Variants in PLXDC1 observed in about 807,000 individuals in gnomAD.
PLXDC1 encodes the protein plexin domain containing 1, also known as plexin domain-containing protein 1.
Under a neutral mutation model 61.3 loss-of-function variants are expected in PLXDC1, and 39 were observed. That is an observed-to-expected ratio of 0.64 (90% confidence interval 0.49 to 0.83). PLXDC1 has a LOEUF of 0.83. Among genes scored for constraint, PLXDC1 ranks in the 40% least tolerant of loss-of-function variants. PLXDC1 has a pLI of 0.00. For synonymous variants in PLXDC1, 212 were observed against 254.5 expected, an observed-to-expected ratio of 0.83 and a Z score of 1.59; for missense variants, 596 against 666.5, an observed-to-expected ratio of 0.89 and a Z score of 1.17.
At chr17:39,079,730 G>C (rs1465207171) in intron 9 of PLXDC1, 1 of 357,912 alleles carries the variant, frequency 2.8e-6, no homozygotes, top group African/African-American at 2.1e-5. Flanking sequence ...GAAAGGATGG[G>C]GGCATGACGA....
At position 39,145,081 on chromosome 17, in the gene PLXDC1, C is replaced by CCAGCAGAGAGCAG. The variant is rs1912053255; in HGVS notation, c.77-5250_77-5249insCTGCTCTCTGCTG. On this transcript the variant is annotated intron_variant, in intron 1 of 13. Coordinates refer to ENST00000315392, the MANE Select transcript of PLXDC1 (RefSeq NM_020405.5). Reference sequence around the variant, plus strand: ...GGATCTGAACTCAGGCAGGCTGGCTCCAGAGCCTACTCAGAACCACAGAAA... The same window carrying CCAGCAGAGAGCAG: ...GGATCTGAACTCAGGCAGGCTGGCTCCAGCAGAGAGCAGCAGAGCCTACTCAGAACCACAGAAA... Among the ~76,000 whole-genome samples, 3 of 152,256 alleles carry CCAGCAGAGAGCAG rather than the reference C, an allele frequency of 2.0e-5. No individual in the cohort carries two copies. The South Asian group carries it at 6.2e-4, about 32-fold the overall frequency.
At chr17:39,085,220 G>A (rs928557306) in intron 8 of PLXDC1, among the ~76,000 whole-genome samples, 1 of 152,262 alleles carries the variant, frequency 6.6e-6, no homozygotes, top group African/African-American at 2.4e-5. Flanking sequence ...CATGGGCACA[G>A]TGTGGCCACC....
rs556126101 is a variant in PLXDC1 at position 39,092,334 on chromosome 17, A to G, written c.812-4632T>C. ...AGCAATCTGCCTGCCTCAGCCTCCC[A>G]AAGCGCTGAGGTTCTAGACATGAGC... On this transcript the variant is annotated intron_variant, in intron 7 of 13. Coordinates refer to ENST00000315392, the MANE Select transcript of PLXDC1 (RefSeq NM_020405.5). 3.3e-5 allele frequency among the ~76,000 whole-genome samples: 5 copies of G among 152,268 alleles called. No homozygotes were observed. The South Asian group carries it at 8.3e-4, about 25-fold the overall frequency.
chr17:39,075,722 C>T (rs1359870223), intron 11 of PLXDC1, among the ~76,000 whole-genome samples: 2 of 152,146 alleles, frequency 1.3e-5, no homozygotes, highest in East Asian at 3.8e-4. Flanking sequence ...TCCACAACCT[C>T]CCCCCAGCCA....
intron 7 of PLXDC1, among the ~76,000 whole-genome samples, chr17:39,093,926 A>G (rs1598193330): frequency 6.6e-6 from 1 of 152,332 alleles, no homozygotes; most frequent in East Asian, 1.9e-4. Context: ...AGGGGTTCAC[A>G]GAGCCCCGCA....
rs1181183109 is a variant in PLXDC1 at position 39,094,761 on chromosome 17, A to T, written c.812-7059T>A. ...TCAGCAACTTATAACGTCAGCCCAC[A>T]GCCCAAAGGAAGCACGCCCTCCCTC... On this transcript the variant is annotated intron_variant, in intron 7 of 13. Transcript: ENST00000315392. 2.6e-5 allele frequency among the ~76,000 whole-genome samples: 4 copies of T among 152,202 alleles called. No individual in the cohort carries two copies. The East Asian group carries it at 7.7e-4, about 29-fold the overall frequency.
At chr17:39,135,236 G>T (rs1001893798) in intron 2 of PLXDC1, among the ~76,000 whole-genome samples, 2 of 152,212 alleles carry the variant, frequency 1.3e-5, no homozygotes, top group African/African-American at 4.8e-5. Flanking sequence ...GCTGTCAGAG[G>T]GACCTCCTTC....
At chr17:39,150,589 A>G (rs1224213954) in intron 1 of PLXDC1, among the ~76,000 whole-genome samples, 5 of 151,714 alleles carry the variant, frequency 3.3e-5, no homozygotes, top group Admixed American at 1.3e-4. Flanking sequence ...GGTAGATCTC[A>G]GAAAGGACTT....
Position 39,087,708 on chromosome 17 carries a change from A to G in PLXDC1, c.812-6T>C, listed in dbSNP as rs969669132. 1 of 1,606,302 alleles carries G rather than the reference A, an allele frequency of 6.2e-7. No homozygotes were observed. The highest frequency in any genetic ancestry group is 8.5e-7 in the Non-Finnish European group (1 of 1,173,570). Reference sequence around the variant, plus strand: ...GATGCTCCTTCGCCGAGATTCTGAAACAGAGGCAGAGCCTGTTGTCAGGAG... The same window carrying G: ...GATGCTCCTTCGCCGAGATTCTGAAGCAGAGGCAGAGCCTGTTGTCAGGAG... On this transcript the variant is annotated splice_region_variant and splice_polypyrimidine_tract_variant and intron_variant, in intron 7 of 13. Transcript: ENST00000315392.
chr17:39,067,699 A>C lies in PLXDC1; in HGVS notation c.*141T>G, dbSNP rs1300390214. On this transcript the variant is annotated 3_prime_UTR_variant, in exon 14 of 14. Transcript: ENST00000315392. ...ATATTCGGGGTGTGCTGACGAAGCG[A>C]GCAGCAGCTCTGGAGCCATAAACCA... is the stretch of plus-strand genomic sequence containing the variant. The C allele has an allele frequency of 2.5e-6, 2 of 790,964 alleles. No individual in the cohort carries two copies. The highest frequency in any genetic ancestry group is 5.1e-5 in the East Asian group (2 of 39,230). The allele number at this position is 790,964 out of a possible 1,614,324, so 49.0% of individuals were successfully genotyped here. A position where few individuals can be genotyped will look rare whatever the true frequency, so the allele number is the denominator to read the frequency against.
chr17:39,127,630 A>T (rs1911348921), intron 2 of PLXDC1, among the ~76,000 whole-genome samples: 1 of 152,112 alleles, frequency 6.6e-6, no homozygotes, highest in African/African-American at 2.4e-5. Flanking sequence ...CCTCCAAAGA[A>T]GATATAAAAA....
At chr17:39,123,259 C>T (rs1911220975) in intron 2 of PLXDC1, among the ~76,000 whole-genome samples, 1 of 152,142 alleles carries the variant, frequency 6.6e-6, no homozygotes, top group African/African-American at 2.4e-5. Context: ...AGCCGCATCT[C>T]AGCTCACTGC....
At chr17:39,114,964 C>T (rs1910920958) in intron 2 of PLXDC1, among the ~76,000 whole-genome samples, 2 of 152,252 alleles carry the variant, frequency 1.3e-5, no homozygotes, top group African/African-American at 4.8e-5. Context: ...CAAACAGATG[C>T]TGACGTGTCT....
chr17:39,114,004 T>G (rs1910891713), intron 2 of PLXDC1, among the ~76,000 whole-genome samples: 1 of 152,190 alleles, frequency 6.6e-6, no homozygotes, highest in Non-Finnish European at 1.5e-5. Flanking sequence ...GAGATCAAAT[T>G]TGACTGCTTG....
chr17:39,121,429 C>A (rs1911158262), intron 2 of PLXDC1, among the ~76,000 whole-genome samples: 1 of 152,172 alleles, frequency 6.6e-6, no homozygotes, highest in Non-Finnish European at 1.5e-5. Context: ...TCAGAATAAA[C>A]CTCCTAGTTT....
chr17:39,128,097 G>GTGTGTGTATA (rs1911379292), intron 2 of PLXDC1, among the ~76,000 whole-genome samples: 1 of 67,478 alleles, frequency 1.5e-5, no homozygotes, highest in African/African-American at 7.3e-5. Context: ...CTCTCTATGT[G>GTGTGTGTATA]TATATATATA....
Position 39,070,074 on chromosome 17 carries a change from A to G in PLXDC1, c.1223-58T>C, listed in dbSNP as rs1439103787. On this transcript the variant is annotated intron_variant, in intron 12 of 13. Transcript: ENST00000315392. ...GCAGGGGAGCAGGGAAGGTCGAACC[A>G]TGGGGTCTTGGGTTCTAACAAAGTC... 11 of 1,390,414 alleles carry G rather than the reference A, an allele frequency of 7.9e-6. 1 individual carries two copies. The East Asian group carries it at 1.6e-4, about 20-fold the overall frequency. The allele number at this position is 1,390,414 out of a possible 1,614,324, so 86.1% of individuals were successfully genotyped here.
chr17:39,139,535 C>T (rs754449401), intron 2 of PLXDC1, 119 bp downstream of exon 2: 15 of 950,560 alleles, frequency 1.6e-5, no homozygotes, highest in Non-Finnish European at 2.0e-5. Flanking sequence ...TCCACCCTGT[C>T]CTCCGGGGCC....
Position 39,067,532 on chromosome 17 carries a change from C to T in PLXDC1, c.*308G>A, listed in dbSNP as rs1129201. ...CAGGAATAGGTAAAGGCCCCTTAAA[C>T]AAAAATGGAGTTAGTTATGTTAGTT... On this transcript the variant is annotated 3_prime_UTR_variant, in exon 14 of 14. Transcript: ENST00000315392. 132,745 of 240,180 alleles carry T rather than the reference C, an allele frequency of 0.55. 37,584 individuals carry two copies. The highest frequency in any genetic ancestry group is 0.65 in the Middle Eastern group (461 of 704). The allele number at this position is 240,180 out of a possible 1,614,324, so 14.9% of individuals were successfully genotyped here.
Sources: allele counts gnomAD v4.1 joint callset (sites outside exome capture counted in the v4.1 genomes callset), GRCh38; gene constraint gnomAD v4.1.1; transcripts MANE v1.5; gene names NCBI Gene and HGNC (gene_info 2026-07-23, HGNC 2026-07-21).